Variants in DDX47 observed in about 807,000 individuals in gnomAD.
DDX47 encodes the protein probable ATP-dependent RNA helicase DDX47.
A neutral mutation model predicts 58.8 loss-of-function variants in DDX47; 60 were observed. The observed-to-expected ratio is 1.02, with a 90% CI of 0.83 to 1.26. The LOEUF (loss-of-function observed/expected upper bound fraction) is 1.26. Ranked by LOEUF, DDX47 falls within the 50% of genes most tolerant of loss-of-function variation. The probability of loss-of-function intolerance (pLI) is 0.00; values close to 1 mark genes in which losing one functional copy is unlikely to be tolerated. For missense variants in DDX47, 530 were observed against 573.2 expected (o/e 0.92, Z 0.77); for synonymous variants, 197 against 204.6 (o/e 0.96, Z 0.32).
At position 12,823,500 on chromosome 12, in the gene DDX47, A is replaced by T; in HGVS notation, c.750+181A>T. 5 of 597,860 alleles carry T rather than the reference A, an allele frequency of 8.4e-6. No homozygotes were observed. In the South Asian group the frequency reaches 1.0e-4, roughly 12 times the overall value. The allele number at this position is 597,860 out of a possible 1,614,324, so 37.0% of individuals were successfully genotyped here. ...AAGCCAGACATGCCAGGAATTCACAACACATTAAATCACAATACTGAGGTC... is the reference window on the plus strand; with the variant it reads ...AAGCCAGACATGCCAGGAATTCACATCACATTAAATCACAATACTGAGGTC... On this transcript the variant is annotated intron_variant, in intron 7 of 11. Transcript: ENST00000358007.
chr12:12,824,670 A>G lies in DDX47; in HGVS notation c.1028A>G (p.His343Arg), dbSNP rs200857940. 81 of 1,613,942 alleles carry G rather than the reference A, an allele frequency of 5.0e-5. No individual in the cohort carries two copies. The East Asian group carries it at 1.6e-3, about 32-fold the overall frequency. ...GTTGTCAACTTTGACATTCCTACCCATTCCAAGGTGAGTCCTATTGCTAAC... is the reference window on the plus strand; with the variant it reads ...GTTGTCAACTTTGACATTCCTACCCGTTCCAAGGTGAGTCCTATTGCTAAC... ...DVVVNFDIPT[H>R]SKDYIHRVGR... is the part of the protein sequence containing the mutation. The change falls in exon 9 of 12, where the codon CAT (histidine) becomes CGT (arginine). Residue 343 changes from histidine (H) to arginine (R), a missense_variant. His to Arg is a conservative substitution (Grantham distance 29). Transcript: ENST00000358007.
At chr12:12,816,105 G>A (rs1409373210) in intron 2 of DDX47, among the ~76,000 whole-genome samples, 1 of 152,098 alleles carries the variant, frequency 6.6e-6, no homozygotes, top group African/African-American at 2.4e-5. Flanking sequence ...CATATTATTG[G>A]TGTACCACTG....
chr12:12,827,565 GGTTTGGCC>G lies in DDX47; in HGVS notation c.1236+191_1236+198del. 2.6e-5 allele frequency among the ~76,000 whole-genome samples: 4 copies of G among 152,312 alleles called. No homozygotes were observed. In the Middle Eastern group the frequency reaches 0.014, roughly 518 times the overall value. The stretch of plus-strand genomic sequence containing the variant: ...CCATACAACCAAATGGTTGAATCAA[GGTTTGGCC>G]TCATTCTGACATTCACACATTCACA... On this transcript the variant is annotated intron_variant, in intron 11 of 11. Transcript: ENST00000358007.
At chr12:12,823,056 G>T (rs552506031) in intron 6 of DDX47, 147 bp from the exon 7 acceptor site, 162 of 665,910 alleles carry the variant, frequency 2.4e-4, no homozygotes, top group South Asian at 1.4e-3. Flanking sequence ...CCACCTCTGT[G>T]ATCCAATAAC....
Position 12,826,076 on chromosome 12 carries a change from TA to T in DDX47, c.1106+9del. 1 of 1,612,916 alleles carries T rather than the reference TA, an allele frequency of 6.2e-7. No individual in the cohort carries two copies. Among genetic ancestry groups the T allele is most frequent in the Non-Finnish European group, 8.5e-7 (1 of 1,179,374 alleles). ...GCTATTACTTTTGTCACACAGTAAG[TA>T]AATCAGCTTTAGGGCCGAGCAATGT... On this transcript the variant is annotated splice_region_variant and intron_variant, in intron 10 of 11. Transcript: ENST00000358007.
chr12:12,828,556 G>A (rs929835225), intron 11 of DDX47, among the ~76,000 whole-genome samples: 3 of 152,206 alleles, frequency 2.0e-5, no homozygotes, highest in Non-Finnish European at 1.5e-5. Context: ...TGGAAGTGCT[G>A]CCTGCTTTCT....
At position 12,824,085 on chromosome 12, in the gene DDX47, T is replaced by G. The variant is rs1236253303; in HGVS notation, c.897+69T>G. The G allele has an allele frequency of 1.2e-5, 19 of 1,545,276 alleles. No homozygotes were observed. The East Asian group carries it at 4.0e-4, about 33-fold the overall frequency. On this transcript the variant is annotated intron_variant, in intron 8 of 11. Coordinates refer to ENST00000358007, the MANE Select transcript of DDX47 (RefSeq NM_016355.4). ...GCGAGATAAACCTCCTAACAGTAGG[T>G]TTGTACAATAAGGCCATAGGGCACC... is the stretch of plus-strand genomic sequence containing the variant.
At position 12,827,233 on chromosome 12, in the gene DDX47, TTTCC is replaced by T; in HGVS notation, c.1107-7_1107-4del. On this transcript the variant is annotated splice_polypyrimidine_tract_variant and intron_variant, in intron 10 of 11. Transcript: ENST00000358007. ...TACCAGGCAACCAGAGCTGTGCAGT[TTTCC>T]TTCCTCAGGTATGATGTGGAACTCT... 1 of 1,612,936 alleles carries T rather than the reference TTTCC, an allele frequency of 6.2e-7. No individual in the cohort carries two copies. The highest frequency in any genetic ancestry group is 1.1e-5 in the South Asian group (1 of 90,754).
chr12:12,821,488 T>G, intron 3 of DDX47, 92 bp downstream of exon 3: 1 of 1,500,378 alleles, frequency 6.7e-7, no homozygotes, highest in Non-Finnish European at 9.3e-7. Context: ...ATTGCTAGCA[T>G]AATTTATTGA....
intron 2 of DDX47, among the ~76,000 whole-genome samples, chr12:12,818,256 T>G (rs866106249): frequency 3.9e-5 from 6 of 152,334 alleles, no homozygotes; most frequent in Middle Eastern, 3.4e-3. Context: ...GCGTGGTGGC[T>G]CACGCCTGTA....
chr12:12,817,728 C>T lies in DDX47; in HGVS notation c.182-3480C>T, dbSNP rs147383006. On this transcript the variant is annotated intron_variant, in intron 2 of 11. Transcript: ENST00000358007. ...GGTATATTCTCTACAGGTATAAACA[C>T]TGAAAAGGCTTAGCGGTTTCTTCAG... is the stretch of plus-strand genomic sequence containing the variant. Among the ~76,000 whole-genome samples the T allele has an allele frequency of 2.8e-4, 42 of 152,228 alleles. No homozygotes were observed. In the East Asian group the frequency reaches 8.1e-3, roughly 29 times the overall value.
intron 8 of DDX47, 100 bp downstream of exon 8, chr12:12,824,116 C>T: frequency 7.3e-7 from 1 of 1,370,956 alleles, no homozygotes; most frequent in South Asian, 1.4e-5. Flanking sequence ...GCACCGATGC[C>T]TGTTTCCATA....
At chr12:12,824,935 A>C (rs564613383) in intron 9 of DDX47, 2 of 319,808 alleles carry the variant, frequency 6.3e-6, no homozygotes, top group Admixed American at 9.6e-5. Flanking sequence ...TGATCTTGTC[A>C]CTGTCATTTC....
Position 12,813,382 on chromosome 12 carries a change from G to A in DDX47, c.15G>A (p.Glu5=). 1 of 1,613,532 alleles carries A rather than the reference G, an allele frequency of 6.2e-7. No individual in the cohort carries two copies. The highest frequency in any genetic ancestry group is 8.5e-7 in the Non-Finnish European group (1 of 1,179,720). Residue 5 remains glutamate, a synonymous_variant, in exon 1 of 12, where the codon GAG becomes GAA. Coordinates refer to ENST00000358007, the MANE Select transcript of DDX47 (RefSeq NM_016355.4). ...CCTCACACAAGATGGCGGCACCCGA[G>A]GAACACGATTCTCCGACCGAAGCGT... MAAP[E]EHDSPTEASQ... is the part of the protein sequence containing the mutation.
chr12:12,824,166 T>C (rs950992049), intron 8 of DDX47, 150 bp downstream of exon 8: 57 of 976,186 alleles, frequency 5.8e-5, no homozygotes, highest in Middle Eastern at 2.3e-4. Context: ...TTGCTCTAGA[T>C]ACTTACTTTC....
chr12:12,824,822 A>T (rs1703724125), intron 9 of DDX47, 145 bp downstream of exon 9: 1 of 794,354 alleles, frequency 1.3e-6, no homozygotes. Context: ...TAGTTCATTC[A>T]CATCATCTTG....
chr12:12,821,765 G>T, intron 4 of DDX47, 39 bp downstream of exon 4: 6 of 1,497,308 alleles, frequency 4.0e-6, no homozygotes, highest in South Asian at 1.1e-5. Flanking sequence ...TGGCAGTGAT[G>T]AATTGGAGAA....
chr12:12,825,984 A>G lies in DDX47; in HGVS notation c.1036-16A>G. 1 of 1,599,396 alleles carries G rather than the reference A, an allele frequency of 6.3e-7. No individual in the cohort carries two copies. Among genetic ancestry groups the G allele is most frequent in the Admixed American group, 1.7e-5 (1 of 57,924 alleles). On this transcript the variant is annotated splice_polypyrimidine_tract_variant and intron_variant, in intron 9 of 11. Transcript: ENST00000358007. ...TAATCCATATAACTTGAATTTATTT[A>G]CCCTTTTTGTTTTAGGATTACATCC... is the stretch of plus-strand genomic sequence containing the variant.
chr12:12,826,266 A>G, intron 10 of DDX47, 196 bp downstream of exon 10: 1 of 469,958 alleles, frequency 2.1e-6, no homozygotes, highest in Non-Finnish European at 3.8e-6. Context: ...ATATATGTAA[A>G]AGATCTAGTA....
Sources: gnomAD v4.1 joint callset for allele counts (sites outside exome capture counted in the v4.1 genomes callset) on GRCh38, gnomAD v4.1.1 for gene constraint, MANE v1.5 for transcripts, NCBI Gene and HGNC (gene_info 2026-07-23, HGNC 2026-07-21) for gene names.